The following DNAJB14 variants were observed in gnomAD, a reference collection of about 807,000 sequenced individuals.
DNAJB14 encodes DnaJ heat shock protein family (Hsp40) member B14.
In DNAJB14, 22 loss-of-function variants were observed where a neutral mutation model predicts 48.4. The observed-to-expected ratio is 0.45, with a 90% CI of 0.32 to 0.65. The LOEUF (loss-of-function observed/expected upper bound fraction) is 0.65, where lower values mean the gene tolerates loss of function less well. Ranked by LOEUF, DNAJB14 falls within the 30% of genes least tolerant of loss-of-function variation. DNAJB14 has a pLI of 0.03. For synonymous variants in DNAJB14, 142 were observed against 158.7 expected, an observed-to-expected ratio of 0.89 and a Z score of 0.79; for missense variants, 319 against 458.8, an observed-to-expected ratio of 0.70 and a Z score of 2.78.
At position 99,903,913 on chromosome 4, in the gene DNAJB14, C is replaced by T; in HGVS notation, c.843-15G>A. 6.2e-7 allele frequency: 1 copy of T among 1,602,322 alleles called. No individual in the cohort carries two copies. The highest frequency in any genetic ancestry group is 1.1e-5 in the South Asian group (1 of 89,118). ...GCCCAGTTCCACTGTAAAAGAGATG[C>T]ATCATTATTTTAATTAAAATTGGAC... On this transcript the variant is annotated splice_polypyrimidine_tract_variant and intron_variant, in intron 6 of 7. Coordinates refer to ENST00000442697, the MANE Select transcript of DNAJB14 (RefSeq NM_001031723.4).
At chr4:99,914,127 G>C (rs962912876) in intron 3 of DNAJB14, among the ~76,000 whole-genome samples, 3 of 152,146 alleles carry the variant, frequency 2.0e-5, no homozygotes, top group African/African-American at 7.2e-5. Context: ...TTACTACTGT[G>C]AGAACAGCAG....
chr4:99,903,649 T>C, intron 7 of DNAJB14, 77 bp downstream of exon 7: 6 of 1,446,796 alleles, frequency 4.1e-6, no homozygotes, highest in East Asian at 2.3e-5. Flanking sequence ...GAACATTCCT[T>C]GAATAGGGAA....
chr4:99,914,590 A>G (rs1437892544), intron 3 of DNAJB14, among the ~76,000 whole-genome samples: 2 of 152,152 alleles, frequency 1.3e-5, no homozygotes, highest in Non-Finnish European at 2.9e-5. Context: ...ACATGTATAC[A>G]TATGTAACAA....
In DNAJB14 at chr4:99,906,508, T is replaced by C; in HGVS notation, c.732+9A>G. The stretch of plus-strand genomic sequence containing the variant: ...TTTGCCATTTTGTGATTTCTAGTCA[T>C]AAACGTACATCTCCTCTTTCCTCTT... On this transcript the variant is annotated intron_variant, in intron 5 of 7. Coordinates refer to ENST00000442697, the MANE Select transcript of DNAJB14 (RefSeq NM_001031723.4). 1 of 1,610,102 alleles carries C rather than the reference T, an allele frequency of 6.2e-7. No individual in the cohort carries two copies. The highest frequency in any genetic ancestry group is 1.1e-5 in the South Asian group (1 of 90,744).
rs1727089653 is a variant in DNAJB14, at chr4:99,946,589, G to A, written c.-18C>T. 1 of 1,611,992 alleles carries A rather than the reference G, an allele frequency of 6.2e-7. No individual in the cohort carries two copies. Among genetic ancestry groups the A allele is most frequent in the Non-Finnish European group, 8.5e-7 (1 of 1,178,588 alleles). ...CCCTCCATAGCTTGCTCCTTCTTCC[G>A]TTTCCTCCGGCAGCGCAGCTAAGAA... On this transcript the variant is annotated 5_prime_UTR_variant, in exon 1 of 8. In the 5' UTR this introduces an upstream ATG that the reference lacks. Transcript: ENST00000442697.
chr4:99,922,273 G>T (rs1352957755), intron 3 of DNAJB14, among the ~76,000 whole-genome samples: 1 of 152,160 alleles, frequency 6.6e-6, no homozygotes, highest in Non-Finnish European at 1.5e-5. Context: ...TGTTTAAAAT[G>T]AGTATCTACT....
chr4:99,944,514 G>A (rs1726994507), intron 1 of DNAJB14, among the ~76,000 whole-genome samples: 1 of 151,998 alleles, frequency 6.6e-6, no homozygotes, highest in Non-Finnish European at 1.5e-5. Context: ...TTAACAAAAT[G>A]TGGTGTATAT....
At chr4:99,940,174 TCCA>T (rs1726837923) in intron 1 of DNAJB14, among the ~76,000 whole-genome samples, 1 of 152,244 alleles carries the variant, frequency 6.6e-6, no homozygotes, top group African/African-American at 2.4e-5. Flanking sequence ...CTATATAATG[TCCA>T]CCATTAGCTG....
At chr4:99,907,522 T>A (rs994615976) in intron 4 of DNAJB14, among the ~76,000 whole-genome samples, 1 of 151,534 alleles carries the variant, frequency 6.6e-6, no homozygotes, top group Non-Finnish European at 1.5e-5. Context: ...AAAAAAGTTT[T>A]AAAAAAATTA....
intron 3 of DNAJB14, among the ~76,000 whole-genome samples, chr4:99,921,977 A>G (rs1726078265): frequency 6.6e-6 from 1 of 152,192 alleles, no homozygotes; most frequent in Non-Finnish European, 1.5e-5. Context: ...TCAGGTAATG[A>G]ACTGACGGAA....
rs758854911 is a variant in DNAJB14, at chr4:99,905,659, G to A, written c.780C>T (p.Ile260=). 1.9e-5 allele frequency: 30 copies of A among 1,612,314 alleles called. No individual in the cohort carries two copies. The South Asian group carries it at 3.2e-4, about 17-fold the overall frequency. ...TCAACTGGCTTAATAATGACACGAGGATCAATACAATTATGGGCATCAGCT... is the reference window on the plus strand; with the variant it reads ...TCAACTGGCTTAATAATGACACGAGAATCAATACAATTATGGGCATCAGCT... ...FIQLMPIIVL[I]LVSLLSQLMV... The change falls in exon 6 of 8, where the codon ATC becomes ATT. Residue 260 remains isoleucine, a synonymous_variant. Coordinates refer to ENST00000442697, the MANE Select transcript of DNAJB14 (RefSeq NM_001031723.4).
chr4:99,925,254 T>C (rs1726209720), intron 2 of DNAJB14: 1 of 154,254 alleles, frequency 6.5e-6, no homozygotes, highest in Non-Finnish European at 1.4e-5. Flanking sequence ...ATATTGGTTG[T>C]TTAATTTGTA....
chr4:99,919,334 C>T (rs909226388), intron 3 of DNAJB14, among the ~76,000 whole-genome samples: 31 of 152,088 alleles, frequency 2.0e-4, no homozygotes, highest in Non-Finnish European at 4.6e-4. Context: ...CTGGTAATCC[C>T]AGCACTTTGG....
chr4:99,918,945 G>C lies in DNAJB14; in HGVS notation c.451+4095C>G, dbSNP rs1197111810. On this transcript the variant is annotated intron_variant, in intron 3 of 7. Coordinates refer to ENST00000442697, the MANE Select transcript of DNAJB14 (RefSeq NM_001031723.4). ...GCCTTTCTTACTACCCAGCATAAAT[G>C]AAAGTCTAAGCTATCTAGTTAACCT... Among the ~76,000 whole-genome samples, 2 of 152,270 alleles carry C rather than the reference G, an allele frequency of 1.3e-5. 1 individual carries two copies. Among genetic ancestry groups the C allele is most frequent in the South Asian group, 4.1e-4 (2 of 4,826 alleles).
intron 3 of DNAJB14, among the ~76,000 whole-genome samples, chr4:99,916,728 T>C (rs1725869818): frequency 6.6e-6 from 1 of 152,118 alleles, no homozygotes; most frequent in Admixed American, 6.5e-5. Flanking sequence ...ATACATAATT[T>C]ATATGTGTTA....
In DNAJB14 at chr4:99,898,447, A is replaced by G. The variant is rs1725194813; in HGVS notation, c.*2581T>C. 1 of 152,014 alleles carries G rather than the reference A, an allele frequency of 6.6e-6. No homozygotes were observed. The highest frequency in any genetic ancestry group is 1.5e-5 in the Non-Finnish European group (1 of 67,852). 9.4% of individuals were successfully genotyped at this position (152,014 alleles called of 1,614,324 possible). On this transcript the variant is annotated 3_prime_UTR_variant, in exon 8 of 8. Transcript: ENST00000442697. ...TCACATTTAATCAAACTACATTTCG[A>G]AATTTACAGATGACTAAATGACTAG...
chr4:99,928,547 C>G (rs977775555), intron 2 of DNAJB14: 1 of 441,736 alleles, frequency 2.3e-6, no homozygotes, highest in African/African-American at 2.0e-5. Context: ...AATACCAGAA[C>G]AAAGAGGCAT....
chr4:99,918,851 G>A (rs771203018), intron 3 of DNAJB14, among the ~76,000 whole-genome samples: 5 of 152,210 alleles, frequency 3.3e-5, no homozygotes, highest in Non-Finnish European at 4.4e-5. Context: ...CTAGCAGGGA[G>A]AATGAGCACC....
chr4:99,919,646 G>T (rs909241293), intron 3 of DNAJB14, among the ~76,000 whole-genome samples: 1 of 152,054 alleles, frequency 6.6e-6, no homozygotes, highest in Non-Finnish European at 1.5e-5. Context: ...GTTGTTCTTT[G>T]AATCCTGAGG....
Sources: gnomAD v4.1 joint callset for allele counts (sites outside exome capture counted in the v4.1 genomes callset) on GRCh38, gnomAD v4.1.1 for gene constraint, MANE v1.5 for transcripts, NCBI Gene and HGNC (gene_info 2026-07-23, HGNC 2026-07-21) for gene names.